NECAP2: variants seen among roughly 807,000 people sequenced by gnomAD.
NECAP2 encodes adaptin ear-binding coat-associated protein 2.
NECAP2 carries 38 observed loss-of-function variants against 37.8 expected under a neutral mutation model. The ratio of observed to expected loss-of-function variants is 1.01; its 90% confidence interval spans 0.78 to 1.32. The LOEUF (loss-of-function observed/expected upper bound fraction) is 1.32, where lower values mean the gene tolerates loss of function less well. NECAP2 is among the 40% of genes most tolerant of loss of function. The pLI is 0.00. For synonymous variants in NECAP2, 121 were observed against 127.7 expected, an observed-to-expected ratio of 0.95 and a Z score of 0.35; for missense variants, 316 against 334.5, an observed-to-expected ratio of 0.94 and a Z score of 0.43.
chr1:16,440,824 C>A lies in NECAP2; in HGVS notation c.63C>A (p.Ile21=). The part of the protein sequence containing the change: ...CVKPDVHVYR[I]PPRATNRGYR... ...AGCCTGACGTCCACGTCTACCGCAT[C>A]CCTCCGCGGGCTACCAACCGTGGCT... Residue 21 remains isoleucine, a synonymous_variant, in exon 1 of 8, where the codon ATC becomes ATA. Coordinates refer to ENST00000337132, the MANE Select transcript of NECAP2 (RefSeq NM_018090.5). 1 of 1,614,172 alleles carries A rather than the reference C, an allele frequency of 6.2e-7. No individual in the cohort carries two copies. The highest frequency in any genetic ancestry group is 1.1e-5 in the South Asian group (1 of 91,086).
intron 5 of NECAP2, chr1:16,450,797 A>G (rs1285410300): frequency 6.6e-6 from 1 of 152,102 alleles, no homozygotes; most frequent in African/African-American, 2.4e-5. Flanking sequence ...AAAATACAAA[A>G]TTAGCCGGGC....
intron 1 of NECAP2, among the ~76,000 whole-genome samples, chr1:16,441,807 A>G (rs2086694011): frequency 6.6e-6 from 1 of 152,236 alleles, no homozygotes; most frequent in Non-Finnish European, 1.5e-5. Flanking sequence ...CCGTGGGCTC[A>G]TAGCTGATCT....
intron 7 of NECAP2, 105 bp downstream of exon 7, chr1:16,455,998 C>A: frequency 2.9e-5 from 21 of 714,952 alleles, no homozygotes; most frequent in Non-Finnish European, 4.3e-5. Flanking sequence ...TTAGGAGTAA[C>A]AGTTTTAATT....
chr1:16,450,154 C>G (rs2086820177), intron 5 of NECAP2: 1 of 454,216 alleles, frequency 2.2e-6, no homozygotes, highest in African/African-American at 2.0e-5. Flanking sequence ...GAGAGAAATG[C>G]AAGTCCAATC....
chr1:16,451,860 C>T lies in NECAP2; in HGVS notation c.512C>T (p.Ala171Val), dbSNP rs1418845061. Reference sequence around the variant, plus strand: ...TAGAACATGAAGAAGAAGGAAGGAGCAGCTGGGAATCCCCGAGTCCGGCCT... The same window carrying T: ...TAGAACATGAAGAAGAAGGAAGGAGTAGCTGGGAATCCCCGAGTCCGGCCT... ...NIANMKKKEG[A>V]AGNPRVRPAS... is the part of the protein sequence containing the mutation. Residue 171 changes from alanine to valine, a missense_variant, in exon 6 of 8, where the codon GCA becomes GTA. This residue lies in a region of NECAP2 where 204 missense variants were observed against 188.6 expected (regional missense o/e 1.08). Coordinates refer to ENST00000337132, the MANE Select transcript of NECAP2 (RefSeq NM_018090.5). The T allele has an allele frequency of 1.9e-6, 3 of 1,614,022 alleles. No homozygotes were observed. The Middle Eastern group carries it at 5.0e-4, about 266-fold the overall frequency.
At chr1:16,452,583 G>GGT (rs1423173802) in intron 6 of NECAP2, among the ~76,000 whole-genome samples, 1 of 152,136 alleles carries the variant, frequency 6.6e-6, no homozygotes, top group Non-Finnish European at 1.5e-5. Context: ...GGTGTGCCAA[G>GGT]GTGAGTGGTG....
In NECAP2 at chr1:16,446,970, G is replaced by A. The variant is rs530921248; in HGVS notation, c.194-900G>A. On this transcript the variant is annotated intron_variant, in intron 2 of 7. Coordinates refer to ENST00000337132, the MANE Select transcript of NECAP2 (RefSeq NM_018090.5). Reference sequence around the variant, plus strand: ...AGCTACTTGGGAGGCTGAGGCAGGAGAATCACTTGAACCTGGGAGGCGGAG... The same window carrying A: ...AGCTACTTGGGAGGCTGAGGCAGGAAAATCACTTGAACCTGGGAGGCGGAG... Among the ~76,000 whole-genome samples, 14 of 151,456 alleles carry A rather than the reference G, an allele frequency of 9.2e-5. No homozygotes were observed. In the South Asian group the frequency reaches 2.7e-3, roughly 29 times the overall value.
chr1:16,454,965 T>C (rs1332226335), intron 6 of NECAP2, among the ~76,000 whole-genome samples: 1 of 152,236 alleles, frequency 6.6e-6, no homozygotes, highest in African/African-American at 2.4e-5. Context: ...GAATGGAAAC[T>C]GAAATGACCT....
chr1:16,458,891 C>T lies in NECAP2; in HGVS notation c.*1C>T, dbSNP rs776170340. 3 of 1,614,088 alleles carry T rather than the reference C, an allele frequency of 1.9e-6. No individual in the cohort carries two copies. The highest frequency in any genetic ancestry group is 2.2e-5 in the South Asian group (2 of 91,074). ...AGGCACAGGCTGGGTCCAGTTCTGA[C>T]CTGAGCACGGTTTTTCCTCATGTGA... On this transcript the variant is annotated 3_prime_UTR_variant, in exon 8 of 8. Coordinates refer to ENST00000337132, the MANE Select transcript of NECAP2 (RefSeq NM_018090.5).
At chr1:16,451,155 TGA>T in intron 5 of NECAP2, 1 of 152,308 alleles carries the variant, frequency 6.6e-6, no homozygotes, top group South Asian at 2.1e-4. Context: ...TGATTTGGAA[TGA>T]TTTCTTTCTT....
chr1:16,455,686 C>A, intron 6 of NECAP2, 132 bp from the exon 7 acceptor site: 1 of 703,610 alleles, frequency 1.4e-6, no homozygotes, highest in South Asian at 1.7e-5. Context: ...TCTGGTGTGG[C>A]TTTCCCAGCT....
rs958507472 is a variant in NECAP2 at position 16,459,617 on chromosome 1, C to G, written c.*727C>G. Reference sequence around the variant, plus strand: ...TATCTCTGGCCAGTTGTCTGGTTTCCATGTATTCTAGGCCAGGTAGGCAAC... The same window carrying G: ...TATCTCTGGCCAGTTGTCTGGTTTCGATGTATTCTAGGCCAGGTAGGCAAC... On this transcript the variant is annotated 3_prime_UTR_variant, in exon 8 of 8. Transcript: ENST00000337132. 14 of 152,254 alleles carry G rather than the reference C, an allele frequency of 9.2e-5. No individual in the cohort carries two copies. The highest frequency in any genetic ancestry group is 2.9e-4 in the African/African-American group (12 of 41,440). 9.4% of individuals were successfully genotyped at this position (152,254 alleles called of 1,614,324 possible).
chr1:16,454,665 G>T (rs1215715580), intron 6 of NECAP2, among the ~76,000 whole-genome samples: 1 of 152,146 alleles, frequency 6.6e-6, no homozygotes, highest in Non-Finnish European at 1.5e-5. Context: ...CCAGTTTTGT[G>T]ATCTTTAGAA....
At chr1:16,445,075 C>T (rs895799289) in intron 2 of NECAP2, among the ~76,000 whole-genome samples, 6 of 152,190 alleles carry the variant, frequency 3.9e-5, no homozygotes, top group Non-Finnish European at 7.3e-5. Context: ...CCGCCCACCT[C>T]GGCCTCCCAA....
rs1483365151 is a variant in NECAP2, at chr1:16,447,780, C to G, written c.194-90C>G. The G allele has an allele frequency of 6.1e-6, 6 of 979,724 alleles. No individual in the cohort carries two copies. The African/African-American group carries it at 6.4e-5, about 10-fold the overall frequency. The allele number at this position is 979,724 out of a possible 1,614,324, so 60.7% of individuals were successfully genotyped here. On this transcript the variant is annotated intron_variant, in intron 2 of 7. Coordinates refer to ENST00000337132, the MANE Select transcript of NECAP2 (RefSeq NM_018090.5). ...GATCTGTCTCAGCTGGTTAGAGATG[C>G]CTTGCGGGCAAAAGGCCCAGTAGTG... is the stretch of plus-strand genomic sequence containing the variant.
At chr1:16,452,211 G>A (rs911445962) in intron 6 of NECAP2, among the ~76,000 whole-genome samples, 196 bp downstream of exon 6, 8 of 152,222 alleles carry the variant, frequency 5.3e-5, no homozygotes, top group South Asian at 2.1e-4. Context: ...CCTTTAGGGC[G>A]TCTGCCCTCC....
chr1:16,455,941 T>A, intron 7 of NECAP2, 48 bp downstream of exon 7: 2 of 1,413,406 alleles, frequency 1.4e-6, no homozygotes, highest in Non-Finnish European at 2.0e-6. Flanking sequence ...GGGCCGTTGC[T>A]CTACAAACCT....
In NECAP2 at chr1:16,459,641, A is replaced by G. The variant is rs1051166254; in HGVS notation, c.*751A>G. 1 of 152,272 alleles carries G rather than the reference A, an allele frequency of 6.6e-6. No homozygotes were observed. The highest frequency in any genetic ancestry group is 6.5e-5 in the Admixed American group (1 of 15,272). The allele number at this position is 152,272 out of a possible 1,614,324, so 9.4% of individuals were successfully genotyped here. ...CCATGTATTCTAGGCCAGGTAGGCA[A>G]CACAGAGCCAAGGCGGGTGCTGGAA... On this transcript the variant is annotated 3_prime_UTR_variant, in exon 8 of 8. Transcript: ENST00000337132.
In NECAP2 at chr1:16,448,050, T is replaced by C. The variant is rs1221711985; in HGVS notation, c.299-10T>C. ...TTTGGAAGGTGGGTTGATCATGTGT[T>C]GTTCCCCAGGGCGACGGGCGTTTAT... is the stretch of plus-strand genomic sequence containing the variant. On this transcript the variant is annotated splice_polypyrimidine_tract_variant and intron_variant, in intron 3 of 7. Transcript: ENST00000337132. 1 of 1,614,204 alleles carries C rather than the reference T, an allele frequency of 6.2e-7. No homozygotes were observed. Among genetic ancestry groups the C allele is most frequent in the South Asian group, 1.1e-5 (1 of 91,082 alleles).
Sources: allele counts gnomAD v4.1 joint callset (sites outside exome capture counted in the v4.1 genomes callset), GRCh38; gene constraint gnomAD v4.1.1; regional missense constraint gnomAD v4.1.1; transcripts MANE v1.5; gene names NCBI Gene and HGNC (gene_info 2026-07-23, HGNC 2026-07-21).